Variants in MMS19 observed in about 807,000 individuals in gnomAD.
MMS19 encodes MMS19 cytosolic iron-sulfur assembly component.
MMS19 carries 77 observed loss-of-function variants against 129.8 expected under a neutral mutation model. That is an observed-to-expected ratio of 0.59 (90% CI 0.49 to 0.72). The LOEUF (loss-of-function observed/expected upper bound fraction) is 0.72. MMS19 is among the 30% of genes least tolerant of loss of function. The probability of loss-of-function intolerance (pLI) is 0.00; values close to 1 mark genes in which losing one functional copy is unlikely to be tolerated. For missense variants in MMS19, 1,168 were observed against 1,266.3 expected (o/e 0.92, Z 1.18); for synonymous variants, 491 against 502.8 (o/e 0.98, Z 0.31).
intron 27 of MMS19, 56 bp from the exon 28 acceptor site, chr10:97,459,582 G>A (rs777600221): frequency 2.5e-6 from 4 of 1,602,488 alleles, no homozygotes; most frequent in Non-Finnish European, 3.4e-6. Context: ...CCTGGTTCTT[G>A]TTCCCTCCCC....
chr10:97,497,130 A>G (rs1463012496), intron 1 of MMS19, among the ~76,000 whole-genome samples: 2 of 152,168 alleles, frequency 1.3e-5, no homozygotes, highest in African/African-American at 4.8e-5. Flanking sequence ...GATGCTTCCA[A>G]ACTACGCTGC....
In MMS19 at chr10:97,458,406, C is replaced by T. The variant is rs2030459886; in HGVS notation, c.*286G>A. 2.3e-6 allele frequency: 1 copy of T among 434,200 alleles called. No individual in the cohort carries two copies. Among genetic ancestry groups the T allele is most frequent in the East Asian group, 3.9e-5 (1 of 25,792 alleles). 26.9% of individuals were successfully genotyped at this position (434,200 alleles called of 1,614,324 possible). A position where few individuals can be genotyped will look rare whatever the true frequency, so the allele number is the denominator to read the frequency against. ...TCAGGGCCACACTCATATGCACTCA[C>T]CCCTCAGCAGCATATCGCCCCTTTT... is the stretch of plus-strand genomic sequence containing the variant. On this transcript the variant is annotated 3_prime_UTR_variant, in exon 31 of 31. Coordinates refer to ENST00000438925, the MANE Select transcript of MMS19 (RefSeq NM_022362.5).
In MMS19 at chr10:97,459,481, CCA is replaced by C. The variant is rs1564612001; in HGVS notation, c.2783_2784del (p.Val928GlyfsTer37). 2.5e-6 allele frequency: 4 copies of C among 1,613,184 alleles called. No homozygotes were observed. The highest frequency in any genetic ancestry group is 2.2e-5 in the East Asian group (1 of 44,854). On this transcript the variant is annotated frameshift_variant, in exon 28 of 31. Coordinates refer to ENST00000438925, the MANE Select transcript of MMS19 (RefSeq NM_022362.5). LOFTEE classifies it high-confidence loss of function. ...LLEALSCPDC[V>X]VQLSTLSCLQ... is the part of the protein sequence containing the mutation. ...AGGCAGCTGAGGGTGGAGAGCTGCA[CCA>C]CACAGTCAGGGCAGGACAGGGCCTC...
rs767209035 is a variant in MMS19, at chr10:97,468,954, C to T, written c.1063+12G>A. ...TGCTCACTCCCCTTCCTGGCTGCCACGGCCCCATTACCCTGTAGAATGTTG... is the reference window on the plus strand; with the variant it reads ...TGCTCACTCCCCTTCCTGGCTGCCATGGCCCCATTACCCTGTAGAATGTTG... On this transcript the variant is annotated intron_variant, in intron 12 of 30. Coordinates refer to ENST00000438925, the MANE Select transcript of MMS19 (RefSeq NM_022362.5). The T allele has an allele frequency of 1.7e-5, 27 of 1,581,120 alleles. No individual in the cohort carries two copies. The highest frequency in any genetic ancestry group is 3.6e-5 in the Admixed American group (2 of 55,994).
At chr10:97,472,415 T>A (rs2034912715) in intron 8 of MMS19, among the ~76,000 whole-genome samples, 1 of 152,092 alleles carries the variant, frequency 6.6e-6, no homozygotes, top group Non-Finnish European at 1.5e-5. Flanking sequence ...TTTTTTTGTA[T>A]TTTTAGTAGA....
At chr10:97,498,697 A>G, upstream of MMS19, 1 of 393,392 alleles carries the variant, frequency 2.5e-6, no homozygotes, top group Non-Finnish European at 4.6e-6. Flanking sequence ...GGTACGCACC[A>G]CGGGGGAAGC....
chr10:97,462,236 G>T, intron 20 of MMS19, 117 bp from the exon 21 acceptor site: 1 of 703,806 alleles, frequency 1.4e-6, no homozygotes, highest in South Asian at 1.7e-5. Context: ...AATGGGACAT[G>T]CCCTGATCAT....
intron 11 of MMS19, 85 bp downstream of exon 11, chr10:97,469,561 G>GAGGGAA (rs1387051754): frequency 1.8e-6 from 2 of 1,139,420 alleles, no homozygotes; most frequent in Non-Finnish European, 2.6e-6. Flanking sequence ...GGGGATGACA[G>GAGGGAA]AGGGAAAAGG....
At chr10:97,495,007 G>A (rs1379178700) in intron 1 of MMS19, among the ~76,000 whole-genome samples, 2 of 152,208 alleles carry the variant, frequency 1.3e-5, no homozygotes, top group Non-Finnish European at 2.9e-5. Context: ...TACATGAGTG[G>A]TTGAGAAATA....
intron 3 of MMS19, among the ~76,000 whole-genome samples, 192 bp from the exon 4 acceptor site, chr10:97,478,581 T>C (rs1415537081): frequency 6.6e-6 from 1 of 152,210 alleles, no homozygotes; most frequent in Non-Finnish European, 1.5e-5. Context: ...TAGGGGAACA[T>C]TTCTTAATAT....
chr10:97,495,805 G>A (rs1016269644), intron 1 of MMS19, among the ~76,000 whole-genome samples: 1 of 151,794 alleles, frequency 6.6e-6, no homozygotes. Flanking sequence ...TTTTTGAGAC[G>A]GAGTCTCGCT....
At chr10:97,483,775 G>A (rs1435089167) in intron 2 of MMS19, among the ~76,000 whole-genome samples, 1 of 152,214 alleles carries the variant, frequency 6.6e-6, no homozygotes, top group African/African-American at 2.4e-5. Context: ...ATGGAGGTAG[G>A]TGGGTCTACA....
chr10:97,473,120 C>A (rs1396161941), intron 8 of MMS19, among the ~76,000 whole-genome samples: 1 of 151,632 alleles, frequency 6.6e-6, no homozygotes, highest in Non-Finnish European at 1.5e-5. Flanking sequence ...ACTGTAACCT[C>A]CGCCTCCCAG....
chr10:97,458,568 A>G lies in MMS19; in HGVS notation c.*124T>C. On this transcript the variant is annotated 3_prime_UTR_variant, in exon 31 of 31. Coordinates refer to ENST00000438925, the MANE Select transcript of MMS19 (RefSeq NM_022362.5). ...TACAGCCATGCAACAGAGGCCTAGC[A>G]TTTGTGCTGTGTCTGTGGGAAAGGC... 1.1e-5 allele frequency: 10 copies of G among 908,398 alleles called. No homozygotes were observed. Among genetic ancestry groups the G allele is most frequent in the Non-Finnish European group, 1.7e-5 (10 of 601,446 alleles). The allele number at this position is 908,398 out of a possible 1,614,324, so 56.3% of individuals were successfully genotyped here.
At chr10:97,480,003 C>G (rs2036459754) in intron 3 of MMS19, among the ~76,000 whole-genome samples, 1 of 152,198 alleles carries the variant, frequency 6.6e-6, no homozygotes, top group South Asian at 2.1e-4. Context: ...ACTGGGTCCA[C>G]CCAAATATGG....
At chr10:97,487,540 C>T (rs1014730832) in intron 1 of MMS19, among the ~76,000 whole-genome samples, 2 of 151,946 alleles carry the variant, frequency 1.3e-5, no homozygotes, top group South Asian at 2.1e-4. Context: ...AGGATGGTCT[C>T]GATCTCCTGA....
At chr10:97,495,597 A>G (rs1219871879) in intron 1 of MMS19, among the ~76,000 whole-genome samples, 1 of 152,230 alleles carries the variant, frequency 6.6e-6, no homozygotes, top group African/African-American at 2.4e-5. Context: ...GATTGACAAT[A>G]TTAACTTAAT....
intron 8 of MMS19, among the ~76,000 whole-genome samples, chr10:97,472,395 G>A (rs1171858191): frequency 6.6e-6 from 1 of 152,002 alleles, no homozygotes; most frequent in East Asian, 1.9e-4. Context: ...ACGCCACCAT[G>A]CCCGGCTAAT....
At chr10:97,487,276 A>C (rs959970276) in intron 1 of MMS19, among the ~76,000 whole-genome samples, 2 of 152,050 alleles carry the variant, frequency 1.3e-5, no homozygotes, top group Admixed American at 1.3e-4. Flanking sequence ...CATTGGCTTT[A>C]AATCTTTCAC....
Sources: gnomAD v4.1 joint callset for allele counts (sites outside exome capture counted in the v4.1 genomes callset) on GRCh38, gnomAD v4.1.1 for gene constraint, MANE v1.5 for transcripts, NCBI Gene and HGNC (gene_info 2026-07-23, HGNC 2026-07-21) for gene names.